Variants in LRRTM4 observed in about 807,000 individuals in gnomAD.
The protein encoded by LRRTM4 is leucine rich repeat transmembrane neuronal 4, also known as leucine-rich repeat transmembrane neuronal protein 4.
LRRTM4 carries 25 observed loss-of-function variants against 47.6 expected under a neutral mutation model. The observed-to-expected ratio is 0.53, with a 90% CI of 0.38 to 0.73. LRRTM4 has a LOEUF of 0.73. Among genes scored for constraint, LRRTM4 ranks in the 30% least tolerant of loss-of-function variants. The pLI is 0.00. For synonymous variants in LRRTM4, 311 were observed against 269.5 expected (o/e 1.15, Z -1.51); for missense variants, 638 against 713.4 (o/e 0.89, Z 1.20).
intron 3 of LRRTM4, among the ~76,000 whole-genome samples, chr2:76,943,155 G>T (rs558404021): frequency 6.6e-6 from 1 of 152,262 alleles, no homozygotes; most frequent in East Asian, 1.9e-4. Context: ...AATCCCTGGA[G>T]CCTGAAATCT....
chr2:77,053,593 T>A (rs1679510344), intron 3 of LRRTM4, among the ~76,000 whole-genome samples: 1 of 152,144 alleles, frequency 6.6e-6, no homozygotes, highest in African/African-American at 2.4e-5. Flanking sequence ...AGTCTCCTAG[T>A]GATTTCAATA....
At chr2:77,377,537 T>A (rs1356507701) in intron 3 of LRRTM4, among the ~76,000 whole-genome samples, 1 of 151,972 alleles carries the variant, frequency 6.6e-6, no homozygotes, top group Non-Finnish European at 1.5e-5. Context: ...TAGGTCAATG[T>A]CAACTGTGGC....
At chr2:77,070,128 A>G (rs1371908548) in intron 3 of LRRTM4, among the ~76,000 whole-genome samples, 1 of 152,148 alleles carries the variant, frequency 6.6e-6, no homozygotes, top group East Asian at 1.9e-4. Context: ...AATGCAGGCT[A>G]TTTTATTTTT....
chr2:77,387,524 G>A (rs1239405485), intron 3 of LRRTM4, among the ~76,000 whole-genome samples: 2 of 152,076 alleles, frequency 1.3e-5, no homozygotes, highest in South Asian at 2.1e-4. Flanking sequence ...TCCAGTACAT[G>A]CACACCATTA....
chr2:77,385,499 T>G (rs971831918), intron 3 of LRRTM4, among the ~76,000 whole-genome samples: 3 of 152,152 alleles, frequency 2.0e-5, no homozygotes, highest in African/African-American at 7.2e-5. Flanking sequence ...CACTGACTAC[T>G]TAGGCAGTGT....
At chr2:76,915,692 C>T (rs1309447119) in intron 3 of LRRTM4, among the ~76,000 whole-genome samples, 3 of 151,880 alleles carry the variant, frequency 2.0e-5, no homozygotes, top group Non-Finnish European at 4.4e-5. Flanking sequence ...CTAGGACATA[C>T]TAGTTAAGAA....
intron 3 of LRRTM4, among the ~76,000 whole-genome samples, chr2:76,759,430 A>C (rs1190309801): frequency 6.6e-6 from 1 of 152,100 alleles, no homozygotes; most frequent in Non-Finnish European, 1.5e-5. Context: ...GGTCATTTAG[A>C]TCAAACATGA....
intron 3 of LRRTM4, among the ~76,000 whole-genome samples, chr2:77,477,005 T>C (rs1677425796): frequency 6.7e-6 from 1 of 149,792 alleles, no homozygotes; most frequent in Non-Finnish European, 1.5e-5. Context: ...TGTATGTGTG[T>C]ACTTTTATGC....
intron 3 of LRRTM4, among the ~76,000 whole-genome samples, chr2:77,411,184 C>A (rs1674406713): frequency 6.6e-6 from 1 of 152,096 alleles, no homozygotes; most frequent in Non-Finnish European, 1.5e-5. Context: ...CGTACCTTCG[C>A]CTGGTCCCTC....
intron 3 of LRRTM4, among the ~76,000 whole-genome samples, chr2:76,945,933 T>C (rs926901589): frequency 1.3e-5 from 2 of 152,126 alleles, no homozygotes; most frequent in African/African-American, 2.4e-5. Flanking sequence ...TCATTCTTGT[T>C]CTTCACTGAA....
chr2:76,948,239 T>C (rs1921628), intron 3 of LRRTM4, among the ~76,000 whole-genome samples: 37,515 of 151,728 alleles, frequency 0.25, 5,579 homozygotes, highest in East Asian at 0.58. Context: ...ACTTTATAGA[T>C]AGAAGTGATG....
chr2:77,519,771 G>A lies in LRRTM4; in HGVS notation c.98C>T (p.Ala33Val), dbSNP rs1378177928. The A allele has an allele frequency of 1.2e-5, 19 of 1,613,112 alleles. No homozygotes were observed. The highest frequency in any genetic ancestry group is 1.6e-5 in the Non-Finnish European group (19 of 1,179,532). Residue 33 changes from alanine to valine, a missense_variant, in exon 3 of 4, where the codon GCT becomes GTT. Ala to Val is a moderately conservative substitution (Grantham distance 64). Coordinates refer to ENST00000409884, the MANE Select transcript of LRRTM4 (RefSeq NM_001134745.3). The surrounding 1 kb of genome is among the most constrained non-coding windows in gnomAD (Gnocchi z 4.6). ...ATCACATCTGCAGTTCTTTGGGCAAGCTCTCTGAGCACCCGTGAGCATAAC... is the reference window on the plus strand; with the variant it reads ...ATCACATCTGCAGTTCTTTGGGCAAACTCTCTGAGCACCCGTGAGCATAAC... ...LLVMLTGAQR[A>V]CPKNCRCDGK...
chr2:77,148,397 A>G (rs1301231342), intron 3 of LRRTM4, among the ~76,000 whole-genome samples: 1 of 152,182 alleles, frequency 6.6e-6, no homozygotes, highest in Non-Finnish European at 1.5e-5. Context: ...TAAGAATGCG[A>G]GAAATTTAAC....
chr2:77,350,061 G>A (rs181614237), intron 3 of LRRTM4, among the ~76,000 whole-genome samples: 7 of 151,852 alleles, frequency 4.6e-5, no homozygotes, highest in Non-Finnish European at 4.4e-5. Flanking sequence ...GGTGGCTCAC[G>A]CCTGTAATCC....
chr2:76,904,361 G>A (rs774606338), intron 3 of LRRTM4, among the ~76,000 whole-genome samples: 6 of 152,212 alleles, frequency 3.9e-5, no homozygotes, highest in Non-Finnish European at 7.3e-5. Flanking sequence ...ATTCGAGGAA[G>A]AAACAATGAC....
At chr2:76,813,490 T>C (rs1414533072) in intron 3 of LRRTM4, among the ~76,000 whole-genome samples, 1 of 152,184 alleles carries the variant, frequency 6.6e-6, no homozygotes, top group Non-Finnish European at 1.5e-5. Flanking sequence ...TATTTATTGC[T>C]ACTTTGTTCT....
rs527689875 is a variant in LRRTM4 at position 77,011,228 on chromosome 2, C to T, written c.1552-262312G>A. ...AAAATATAATTTCAACATGTAATCA[C>T]ATATAATACTATCAATGAGATCATT... On this transcript the variant is annotated intron_variant, in intron 3 of 3. Transcript: ENST00000409884. Among the ~76,000 whole-genome samples, 34 of 152,226 alleles carry T rather than the reference C, an allele frequency of 2.2e-4. 1 individual carries two copies. The South Asian group carries it at 6.8e-3, about 31-fold the overall frequency.
At chr2:76,980,553 C>T (rs1180849214) in intron 3 of LRRTM4, among the ~76,000 whole-genome samples, 1 of 152,010 alleles carries the variant, frequency 6.6e-6, no homozygotes, top group East Asian at 1.9e-4. Context: ...AGAAGCCACT[C>T]TCACAGAAGA....
intron 3 of LRRTM4, among the ~76,000 whole-genome samples, chr2:76,797,040 T>C (rs1425884300): frequency 2.0e-5 from 3 of 152,100 alleles, no homozygotes; most frequent in African/African-American, 7.2e-5. Context: ...GAAAACACTC[T>C]GCAGGATATT....
Sources: allele counts gnomAD v4.1 joint callset (sites outside exome capture counted in the v4.1 genomes callset), GRCh38; gene constraint gnomAD v4.1.1; non-coding constraint Gnocchi (gnomAD v3.1); transcripts MANE v1.5; gene names NCBI Gene and HGNC (gene_info 2026-07-23, HGNC 2026-07-21).